Variants in C11orf21 observed in about 807,000 individuals in gnomAD.
C11orf21 encodes the protein chromosome 11 open reading frame 21.
A neutral mutation model predicts 15.2 loss-of-function variants in C11orf21; 19 were observed. That is an observed-to-expected ratio of 1.25 (90% CI 0.87 to 1.84). The LOEUF (loss-of-function observed/expected upper bound fraction) is 1.84, where lower values mean the gene tolerates loss of function less well. C11orf21 is among the 40% of genes most tolerant of loss of function. The pLI, the probability that C11orf21 is intolerant of heterozygous loss-of-function variation, is 0.00. For missense variants in C11orf21, 171 were observed against 174.4 expected, an observed-to-expected ratio of 0.98 and a Z score of 0.11; for synonymous variants, 62 against 66.8, an observed-to-expected ratio of 0.93 and a Z score of 0.35.
chr11:2,299,629 G>A lies in C11orf21; in HGVS notation c.226C>T (p.His76Tyr). The A allele has an allele frequency of 1.3e-6, 2 of 1,551,168 alleles. No homozygotes were observed. The highest frequency in any genetic ancestry group is 1.7e-6 in the Non-Finnish European group (2 of 1,146,958). ...AGAGCTGGGTGATCCACAGGTTCAT[G>A]AGCGGTGGCAGGTGGAACAAGGGCA... ...HGALVPPATAHEPVDHPALHW... is the reference protein window; with the variant it reads ...HGALVPPATAYEPVDHPALHW... Residue 76 changes from histidine (H) to tyrosine (Y), a missense_variant, in exon 3 of 4, where the codon CAT becomes TAT. By Grantham distance (83) the His-to-Tyr change is moderately conservative (BLOSUM62 2). Transcript: ENST00000381153.
intron 2 of C11orf21, among the ~76,000 whole-genome samples, chr11:2,300,317 G>T (rs1429220304): frequency 7.9e-6 from 1 of 126,952 alleles, no homozygotes; most frequent in Non-Finnish European, 1.7e-5. Flanking sequence ...GGGCAGCGGT[G>T]TGCGGGGTGG....
intron 1 of C11orf21, chr11:2,300,893 A>G (rs1847709534): frequency 2.4e-6 from 2 of 837,946 alleles, no homozygotes. Flanking sequence ...TGCCACCCCT[A>G]CATTCATACC....
chr11:2,302,090 C>T (rs372594309), upstream of C11orf21: 3 of 1,486,074 alleles, frequency 2.0e-6, no homozygotes, highest in East Asian at 2.4e-5. Context: ...GAGGCCCCTG[C>T]CCAGCTGGAA....
chr11:2,301,920 G>A (rs958938391), upstream of C11orf21: 4 of 1,531,590 alleles, frequency 2.6e-6, no homozygotes, highest in Admixed American at 6.0e-5. Context: ...GGCTGGGCTG[G>A]GGGCACCAGG....
chr11:2,301,739 C>T lies in C11orf21; in HGVS notation c.53+17G>A, dbSNP rs1449668479. The T allele has an allele frequency of 6.5e-7, 1 of 1,543,720 alleles. No individual in the cohort carries two copies. Among genetic ancestry groups the T allele is most frequent in the Non-Finnish European group, 8.7e-7 (1 of 1,144,202 alleles). On this transcript the variant is annotated intron_variant, in intron 1 of 3. Transcript: ENST00000381153. ...GGCCCAGTCCACACTTGCTCACTCC[C>T]AGGACGGGGAGCTCACCTCCTCCTC...
At chr11:2,300,397 A>T (rs1165380456) in intron 2 of C11orf21, 123 bp downstream of exon 2, 3 of 684,452 alleles carry the variant, frequency 4.4e-6, no homozygotes, top group Non-Finnish European at 7.3e-6. Context: ...TCCCCTCAAC[A>T]AGCCACTTCC....
chr11:2,301,993 G>T, upstream of C11orf21: 2 of 1,494,660 alleles, frequency 1.3e-6, no homozygotes, highest in East Asian at 2.4e-5. Flanking sequence ...TTCTTCCGGG[G>T]CACCCAGCAG....
chr11:2,299,317 A>T, intron 3 of C11orf21, 111 bp downstream of exon 3: 2 of 1,198,686 alleles, frequency 1.7e-6, no homozygotes, highest in South Asian at 3.1e-5. Flanking sequence ...TCCAGGCCCC[A>T]CTCGCTGTGA....
chr11:2,302,270 G>A (rs1444152451), upstream of C11orf21: 12 of 1,344,304 alleles, frequency 8.9e-6, no homozygotes, highest in Non-Finnish European at 1.2e-5. Flanking sequence ...CAGGGGTGAG[G>A]GGTGGCAGGG....
upstream of C11orf21, chr11:2,302,126 G>A: frequency 2.0e-6 from 3 of 1,466,776 alleles, no homozygotes; most frequent in South Asian, 1.5e-5. Flanking sequence ...AGGGAGGGGA[G>A]GAGAGGAGAG....
Position 2,299,512 on chromosome 11 carries a change from G to A in C11orf21, c.343C>T (p.Pro115Ser), listed in dbSNP as rs1273284011. 5 of 1,550,538 alleles carry A rather than the reference G, an allele frequency of 3.2e-6. No homozygotes were observed. In the South Asian group the frequency reaches 4.8e-5, roughly 15 times the overall value. ...LGWDLDLEAG[P>S]SSGKLCPRAR... ...CGAGGACACAGCTTTCCAGAGGAGG[G>A]GCCTGCTTCTAAGTCCAAGTCCCAT... is the stretch of plus-strand genomic sequence containing the variant. Residue 115 changes from proline to serine, a missense_variant, in exon 3 of 4, where the codon CCC (proline) becomes TCC (serine). Pro to Ser is a moderately conservative substitution (Grantham distance 74, BLOSUM62 -1). Transcript: ENST00000381153.
chr11:2,297,942 G>A (rs997764664), intron 3 of C11orf21, 21 bp from the exon 4 acceptor site: 1 of 152,208 alleles, frequency 6.6e-6, no homozygotes, highest in East Asian at 1.9e-4. Context: ...TGTAAGGAGA[G>A]AGAGAGAGAA....
At chr11:2,299,797 G>C (rs1186719569) in intron 2 of C11orf21, 90 bp from the exon 3 acceptor site, 2 of 1,493,574 alleles carry the variant, frequency 1.3e-6, no homozygotes, top group Non-Finnish European at 1.8e-6. Flanking sequence ...GTCCCTGGCG[G>C]GTAAACACAT....
chr11:2,302,939 C>T (rs750896014), upstream of C11orf21: 1 of 1,613,540 alleles, frequency 6.2e-7, no homozygotes, highest in East Asian at 2.2e-5. Flanking sequence ...AGAACCCGTA[C>T]CAGGCTGTGC....
At position 2,296,789 on chromosome 11, in the gene C11orf21, G is replaced by A. The variant is rs1272806659; in HGVS notation, c.*1161C>T. ...CTCAGCCACAGGCCCGGGGCCTCGT[G>A]GCCACCCCCACTGGGCTGTGCCCTG... On this transcript the variant is annotated 3_prime_UTR_variant, in exon 4 of 4. Coordinates refer to ENST00000381153, the MANE Select transcript of C11orf21 (RefSeq NM_001329958.2). This position sits in a 1 kb window ranked among gnomAD's most constrained non-coding sequence, Gnocchi z 5.6. 2 of 152,296 alleles carry A rather than the reference G, an allele frequency of 1.3e-5. No individual in the cohort carries two copies. Among genetic ancestry groups the A allele is most frequent in the Non-Finnish European group, 2.9e-5 (2 of 68,138 alleles). The allele number at this position is 152,296 out of a possible 1,614,324, so 9.4% of individuals were successfully genotyped here. A position where few individuals can be genotyped will look rare whatever the true frequency, so the allele number is the denominator to read the frequency against.
intron 1 of C11orf21, chr11:2,301,464 T>G: frequency 9.2e-6 from 3 of 325,948 alleles, no homozygotes; most frequent in Non-Finnish European, 1.7e-5. Context: ...TAATTGCAAA[T>G]TCGAGGTTTA....
intron 3 of C11orf21, among the ~76,000 whole-genome samples, chr11:2,298,637 C>A (rs1489124812): frequency 6.6e-6 from 1 of 152,176 alleles, no homozygotes; most frequent in Non-Finnish European, 1.5e-5. Context: ...TCCTCCACCC[C>A]CACGGGGTGC....
chr11:2,302,935 C>T (rs377338457), upstream of C11orf21: 37 of 1,613,594 alleles, frequency 2.3e-5, no homozygotes, highest in East Asian at 6.7e-5. Flanking sequence ...GAGAAGAACC[C>T]GTACCAGGCT....
chr11:2,301,754 A>T lies in C11orf21; in HGVS notation c.53+2T>A. ...TGCTCACTCCCAGGACGGGGAGCTC[A>T]CCTCCTCCTCCCCGGGCGCCGTCTC... On this transcript the variant is annotated splice_donor_variant, in intron 1 of 3. Transcript: ENST00000381153. LOFTEE classifies it high-confidence loss of function. 14 of 1,532,158 alleles carry T rather than the reference A, an allele frequency of 9.1e-6. No individual in the cohort carries two copies. The highest frequency in any genetic ancestry group is 2.4e-5 in the South Asian group (2 of 83,638). The allele number at this position is 1,532,158 out of a possible 1,614,324, so 94.9% of individuals were successfully genotyped here.
Sources: gnomAD v4.1 joint callset for allele counts (sites outside exome capture counted in the v4.1 genomes callset) on GRCh38, gnomAD v4.1.1 for gene constraint, Gnocchi (gnomAD v3.1) non-coding constraint, MANE v1.5 for transcripts, NCBI Gene and HGNC (gene_info 2026-07-23, HGNC 2026-07-21) for gene names.